Variants in MICAL3 observed in about 807,000 individuals in gnomAD.
The protein encoded by MICAL3 is microtubule associated monooxygenase, calponin and LIM domain containing 3.
Under a neutral mutation model 207.4 loss-of-function variants are expected in MICAL3, and 62 were observed. That is an observed-to-expected ratio of 0.30 (90% CI 0.24 to 0.37). The LOEUF (loss-of-function observed/expected upper bound fraction) is 0.37, where lower values mean the gene tolerates loss of function less well. Ranked by LOEUF, MICAL3 falls within the 10% of genes least tolerant of loss-of-function variation. The pLI is 1.00. For missense variants in MICAL3, 2,368 were observed against 2,635.6 expected, an observed-to-expected ratio of 0.90 and a Z score of 2.22; for synonymous variants, 1,077 against 1,069.3, an observed-to-expected ratio of 1.01 and a Z score of -0.14.
At chr22:17,811,740 G>A (rs1569074978) in intron 27 of MICAL3, among the ~76,000 whole-genome samples, 1 of 152,192 alleles carries the variant, frequency 6.6e-6, no homozygotes, top group Non-Finnish European at 1.5e-5. Context: ...AATGAAACAA[G>A]GAGACTATAT....
intron 20 of MICAL3, among the ~76,000 whole-genome samples, chr22:17,835,580 C>A (rs1014415259): frequency 6.6e-6 from 1 of 152,196 alleles, no homozygotes; most frequent in Non-Finnish European, 1.5e-5. Context: ...TGTGGCCGAC[C>A]CTTTGGACCT....
chr22:17,953,815 T>G (rs541842844), intron 1 of MICAL3, among the ~76,000 whole-genome samples: 74 of 150,602 alleles, frequency 4.9e-4, no homozygotes, highest in Non-Finnish European at 8.6e-4. Flanking sequence ...CCTGTAATCC[T>G]AGCTATTTGA....
chr22:17,953,930 C>CAAAAAAAAAAAAAAAAAAAAAAAAAAAAA lies in MICAL3; in HGVS notation c.-74-47073_-74-47045dup, dbSNP rs59740388. On this transcript the variant is annotated intron_variant, in intron 1 of 31. Coordinates refer to ENST00000441493, the MANE Select transcript of MICAL3 (RefSeq NM_015241.3). ...CAGGTGACAGAGTAAGACTCCATCT[C>CAAAAAAAAAAAAAAAAAAAAAAAAAAAAA]AAAAAAAAAAAAAAAAAAAAAAAAA... Among the ~76,000 whole-genome samples, 33 of 86,520 alleles carry CAAAAAAAAAAAAAAAAAAAAAAAAAAAAA rather than the reference C, an allele frequency of 3.8e-4. 1 individual carries two copies. The highest frequency in any genetic ancestry group is 4.8e-4 in the Non-Finnish European group (21 of 43,406). The allele number at this position is 86,520 out of a possible 152,430, so 56.8% of individuals were successfully genotyped here.
intron 22 of MICAL3, among the ~76,000 whole-genome samples, chr22:17,824,615 C>T (rs11704224): frequency 6.6e-6 from 1 of 152,260 alleles, no homozygotes; most frequent in South Asian, 2.1e-4. Context: ...AGGGAACAGA[C>T]GGCCCACGTC....
intron 1 of MICAL3, among the ~76,000 whole-genome samples, chr22:17,974,808 C>CT (rs142099398): frequency 0.012 from 1,825 of 150,786 alleles, 35 homozygotes; most frequent in African/African-American, 0.042. Context: ...TATGTGCTTA[C>CT]TGTGTGATGA....
intron 29 of MICAL3, among the ~76,000 whole-genome samples, chr22:17,794,308 C>A (rs1424991051): frequency 6.6e-6 from 1 of 152,268 alleles, no homozygotes; most frequent in Non-Finnish European, 1.5e-5. Context: ...CAATAAGTGG[C>A]CAACATGGCT....
chr22:17,834,031 T>C (rs1379276341), intron 20 of MICAL3, among the ~76,000 whole-genome samples: 1 of 152,220 alleles, frequency 6.6e-6, no homozygotes, highest in Non-Finnish European at 1.5e-5. Context: ...CTGCGAGCTC[T>C]AGCAAACTAT....
intron 1 of MICAL3, among the ~76,000 whole-genome samples, chr22:17,993,924 T>C (rs1314991828): frequency 1.3e-5 from 2 of 152,082 alleles, no homozygotes; most frequent in African/African-American, 4.8e-5. Context: ...CAAAACCCAA[T>C]GCCTTCATCT....
At chr22:17,804,175 G>C (rs1199190598) in intron 29 of MICAL3, among the ~76,000 whole-genome samples, 1 of 152,188 alleles carries the variant, frequency 6.6e-6, no homozygotes, top group Admixed American at 6.5e-5. Flanking sequence ...CAGAGGCTTT[G>C]GCTTTGCTGG....
rs1435753680 is a variant in MICAL3, at chr22:17,906,732, T to A, written c.81A>T (p.Gly27=). Residue 27 remains glycine (G), a synonymous_variant, in exon 2 of 32, where the codon GGA becomes GGT. Coordinates refer to ENST00000441493, the MANE Select transcript of MICAL3 (RefSeq NM_015241.3). ...DRFVQATTCK[G]TLKAFQELCD... Reference sequence around the variant, plus strand: ...AGAGCTCCTGGAAAGCCTTGAGGGTTCCCTTGCAGGTGGTGGCCTGGACAA... The same window carrying A: ...AGAGCTCCTGGAAAGCCTTGAGGGTACCCTTGCAGGTGGTGGCCTGGACAA... 3.1e-6 allele frequency: 5 copies of A among 1,613,774 alleles called. No individual in the cohort carries two copies. Among genetic ancestry groups the A allele is most frequent in the Non-Finnish European group, 4.2e-6 (5 of 1,179,858 alleles).
At position 17,906,580 on chromosome 22, in the gene MICAL3, T is replaced by A; in HGVS notation, c.233A>T (p.Tyr78Phe). Reference sequence around the variant, plus strand: ...GTTAGTGCACGCTTTTCCCTTTTTGTAGTCTTTGTGACTGCCCCGTTTGTC... The same window carrying A: ...GTTAGTGCACGCTTTTCCCTTTTTGAAGTCTTTGTGACTGCCCCGTTTGTC... ...KLDKRGSHKD[Y>F]KKGKACTNTK... Residue 78 changes from tyrosine (Y) to phenylalanine (F), a missense_variant, in exon 2 of 32, where the codon TAC (tyrosine) becomes TTC (phenylalanine). Tyr to Phe is a conservative substitution (Grantham distance 22). Coordinates refer to ENST00000441493, the MANE Select transcript of MICAL3 (RefSeq NM_015241.3). 6.2e-7 allele frequency: 1 copy of A among 1,612,728 alleles called. No homozygotes were observed. The highest frequency in any genetic ancestry group is 1.3e-5 in the African/African-American group (1 of 75,002).
intron 16 of MICAL3, among the ~76,000 whole-genome samples, chr22:17,876,208 C>T (rs1569108516): frequency 6.6e-6 from 1 of 152,174 alleles, no homozygotes; most frequent in Non-Finnish European, 1.5e-5. Context: ...AAGGGTCTCC[C>T]TTAGCCGTGG....
chr22:17,799,770 A>G (rs2061917345), intron 29 of MICAL3, among the ~76,000 whole-genome samples: 1 of 152,206 alleles, frequency 6.6e-6, no homozygotes, highest in Non-Finnish European at 1.5e-5. Context: ...CGGCAGGCCC[A>G]GTCTAGCATA....
At chr22:17,829,108 C>G (rs1354477675) in intron 21 of MICAL3, among the ~76,000 whole-genome samples, 6 of 151,200 alleles carry the variant, frequency 4.0e-5, no homozygotes, top group Non-Finnish European at 8.8e-5. Context: ...AGTTGCTGGT[C>G]TCTATAGATG....
intron 17 of MICAL3, among the ~76,000 whole-genome samples, chr22:17,867,055 A>C (rs780499850): frequency 5.3e-5 from 8 of 152,264 alleles, no homozygotes; most frequent in Non-Finnish European, 8.8e-5. Context: ...TAAAAGTCAA[A>C]GAAAATAAAG....
At chr22:17,862,916 T>A (rs1912472721) in intron 19 of MICAL3, 1 of 985,294 alleles carries the variant, frequency 1.0e-6, no homozygotes, top group African/African-American at 1.7e-5. Context: ...GGACACCACA[T>A]TTTGAACTCC....
At chr22:17,905,866 G>T (rs1455576556) in intron 2 of MICAL3, among the ~76,000 whole-genome samples, 1 of 152,178 alleles carries the variant, frequency 6.6e-6, no homozygotes, top group Non-Finnish European at 1.5e-5. Flanking sequence ...TTCTCCACAT[G>T]GTGAAGAAAG....
intron 1 of MICAL3, among the ~76,000 whole-genome samples, chr22:17,967,120 A>C (rs1263192595): frequency 6.6e-6 from 1 of 152,202 alleles, no homozygotes; most frequent in African/African-American, 2.4e-5. Flanking sequence ...ACACGTGCTG[A>C]AAGAACAGAA....
intron 22 of MICAL3, among the ~76,000 whole-genome samples, chr22:17,824,331 G>C (rs1031898280): frequency 3.9e-5 from 6 of 152,224 alleles, no homozygotes; most frequent in African/African-American, 1.4e-4. Context: ...CAAAGCCCCA[G>C]GCTGGGGAGC....
Sources: gnomAD v4.1 joint callset for allele counts (sites outside exome capture counted in the v4.1 genomes callset) on GRCh38, gnomAD v4.1.1 for gene constraint, MANE v1.5 for transcripts, NCBI Gene and HGNC (gene_info 2026-07-23, HGNC 2026-07-21) for gene names.